The following ZNF276 variants were observed in gnomAD, a reference collection of about 807,000 sequenced individuals.
ZNF276 encodes the protein zinc finger protein 276.
In ZNF276, 59 loss-of-function variants were observed where a neutral mutation model predicts 63.9. That is an observed-to-expected ratio of 0.92 (90% confidence interval 0.75 to 1.15). ZNF276 has a LOEUF of 1.15. Ranked by LOEUF, ZNF276 falls within the 50% of genes most tolerant of loss-of-function variation. The pLI, the probability that ZNF276 is intolerant of heterozygous loss-of-function variation, is 0.00. For synonymous variants in ZNF276, 496 were observed against 348.4 expected, an observed-to-expected ratio of 1.42 and a Z score of -4.72; for missense variants, 1,084 against 843.8, an observed-to-expected ratio of 1.28 and a Z score of -3.53.
At chr16:89,730,433 C>G (rs2061608146) in intron 6 of ZNF276, among the ~76,000 whole-genome samples, 1 of 152,098 alleles carries the variant, frequency 6.6e-6, no homozygotes, top group African/African-American at 2.4e-5. Context: ...GTGAGGAGGG[C>G]TGGGAGCTGG....
At position 89,740,115 on chromosome 16, in the gene ZNF276, G is replaced by C. The variant is rs766263531; in HGVS notation, c.*1869G>C. Reference sequence around the variant, plus strand: ...CTGTGGTGCTCTGTAAACCGCAGGAGACCAACCCTGAGAATGGCCGACCTG... The same window carrying C: ...CTGTGGTGCTCTGTAAACCGCAGGACACCAACCCTGAGAATGGCCGACCTG... On this transcript the variant is annotated 3_prime_UTR_variant, in exon 11 of 11. Transcript: ENST00000443381. 2 of 1,609,762 alleles carry C rather than the reference G, an allele frequency of 1.2e-6. No individual in the cohort carries two copies. Among genetic ancestry groups the C allele is most frequent in the African/African-American group, 2.7e-5 (2 of 74,782 alleles).
rs771506769 is a variant in ZNF276 at position 89,722,506 on chromosome 16, T to G, written c.206-25T>G. ...CTCAGGAGCCTCCTTTGCCAGCTGC[T>G]AACACTTCCTGCCGCTCTGTGCAGG... is the stretch of plus-strand genomic sequence containing the variant. On this transcript the variant is annotated intron_variant, in intron 1 of 10. Transcript: ENST00000443381. 10 of 1,589,462 alleles carry G rather than the reference T, an allele frequency of 6.3e-6. No individual in the cohort carries two copies. In the Admixed American group the frequency reaches 1.5e-4, roughly 25 times the overall value.
rs759630635 is a variant in ZNF276, at chr16:89,738,857, C to T, written c.*611C>T. 3.3e-5 allele frequency: 53 copies of T among 1,614,226 alleles called. No homozygotes were observed. Among genetic ancestry groups the T allele is most frequent in the Non-Finnish European group, 4.3e-5 (51 of 1,180,044 alleles). ...GTCAATTCTCATGTCCCCCACATGGCCCAAGGTGGGCATCTTGACGTTACC... is the reference window on the plus strand; with the variant it reads ...GTCAATTCTCATGTCCCCCACATGGTCCAAGGTGGGCATCTTGACGTTACC... On this transcript the variant is annotated 3_prime_UTR_variant, in exon 11 of 11. Coordinates refer to ENST00000443381, the MANE Select transcript of ZNF276 (RefSeq NM_001113525.2).
intron 6 of ZNF276, 152 bp from the exon 7 acceptor site, chr16:89,733,150 C>T: frequency 1.4e-6 from 1 of 727,990 alleles, no homozygotes; most frequent in South Asian, 1.8e-5. Context: ...GTTGCTCTGG[C>T]TTTGGTGGCT....
chr16:89,727,316 G>A lies in ZNF276; in HGVS notation c.1044G>A (p.Ser348=), dbSNP rs1347675024. The A allele has an allele frequency of 6.2e-7, 1 of 1,614,102 alleles. No homozygotes were observed. The highest frequency in any genetic ancestry group is 8.5e-7 in the Non-Finnish European group (1 of 1,180,038). The change falls in exon 5 of 11, where the codon TCG becomes TCA. Residue 348 remains serine (S), a synonymous_variant. Coordinates refer to ENST00000443381, the MANE Select transcript of ZNF276 (RefSeq NM_001113525.2). ...AGAAGCAGCTTCCATCTTCAACCTCGGATGATCGGGTAAAAGACGAGTTCA... is the reference window on the plus strand; with the variant it reads ...AGAAGCAGCTTCCATCTTCAACCTCAGATGATCGGGTAAAAGACGAGTTCA... The part of the protein sequence containing the change: ...LGEKQLPSST[S]DDRVKDEFSD...
At chr16:89,728,822 C>A (rs1004099801) in intron 5 of ZNF276, among the ~76,000 whole-genome samples, 9 of 152,364 alleles carry the variant, frequency 5.9e-5, no homozygotes, top group Admixed American at 5.9e-4. Context: ...CAGGAGTTAG[C>A]CTCTGCACCC....
Position 89,727,313 on chromosome 16 carries a change from C to T in ZNF276, c.1041C>T (p.Thr347=). 1 of 1,614,120 alleles carries T rather than the reference C, an allele frequency of 6.2e-7. No homozygotes were observed. Among genetic ancestry groups the T allele is most frequent in the Non-Finnish European group, 8.5e-7 (1 of 1,180,032 alleles). ...QLGEKQLPSS[T]SDDRVKDEFS... ...GTGAGAAGCAGCTTCCATCTTCAAC[C>T]TCGGATGATCGGGTAAAAGACGAGT... The change falls in exon 5 of 11, where the codon ACC becomes ACT. Residue 347 remains threonine, a synonymous_variant. Coordinates refer to ENST00000443381, the MANE Select transcript of ZNF276 (RefSeq NM_001113525.2).
At chr16:89,733,047 G>GCGCCCT (rs896878122) in intron 6 of ZNF276, 2 of 482,266 alleles carry the variant, frequency 4.1e-6, no homozygotes, top group Admixed American at 3.4e-5. Flanking sequence ...GCTGTACCCT[G>GCGCCCT]CGCCCTCGCC....
At chr16:89,733,163 A>C in intron 6 of ZNF276, 139 bp from the exon 7 acceptor site, 2 of 790,716 alleles carry the variant, frequency 2.5e-6, no homozygotes, top group South Asian at 3.5e-5. Context: ...TGGTGGCTTC[A>C]GGTAGATTCT....
chr16:89,722,925 G>A, intron 2 of ZNF276, 91 bp downstream of exon 2: 4 of 1,556,992 alleles, frequency 2.6e-6, no homozygotes, highest in Non-Finnish European at 3.5e-6. Flanking sequence ...CTCCGCGGGA[G>A]CCTCTGGGTG....
At chr16:89,721,882 C>T (rs2061292995) in intron 1 of ZNF276, 37 bp downstream of exon 1, 2 of 1,183,582 alleles carry the variant, frequency 1.7e-6, no homozygotes, top group Middle Eastern at 3.3e-4. Context: ...GTTGGGGTCG[C>T]GGCAGGGGTT....
chr16:89,734,022 G>T lies in ZNF276; in HGVS notation c.1458G>T (p.Val486=). The T allele has an allele frequency of 1.9e-6, 3 of 1,614,034 alleles. No homozygotes were observed. The highest frequency in any genetic ancestry group is 2.5e-6 in the Non-Finnish European group (3 of 1,180,018). ...FMIDRYLQRH[V]KLIHTEVRNY... ...TCGACCGCTACCTGCAGCGCCACGT[G>T]AAGCTCATCCACACAGGTACGCCTA... The change falls in exon 9 of 11, where the codon GTG becomes GTT. Residue 486 remains valine (V), a synonymous_variant. Transcript: ENST00000443381.
chr16:89,720,529 C>T (rs767315432), upstream of ZNF276: 68 of 1,160,276 alleles, frequency 5.9e-5, no homozygotes, highest in Non-Finnish European at 7.1e-5. Flanking sequence ...TGTGATGCAC[C>T]GGCTCAGCGA....
intron 9 of ZNF276, 32 bp from the exon 10 acceptor site, chr16:89,737,774 G>T (rs915046341): frequency 6.2e-7 from 1 of 1,612,724 alleles, no homozygotes; most frequent in Non-Finnish European, 8.5e-7. Flanking sequence ...GGAGCATCAG[G>T]GGCCTGGACT....
chr16:89,728,484 A>G (rs2061539190), intron 5 of ZNF276, among the ~76,000 whole-genome samples: 2 of 152,138 alleles, frequency 1.3e-5, no homozygotes, highest in Admixed American at 1.3e-4. Context: ...GCTCACTGCA[A>G]GCTCTGCCTC....
chr16:89,723,838 C>T, intron 4 of ZNF276, 129 bp downstream of exon 4: 1 of 1,036,326 alleles, frequency 9.6e-7, no homozygotes, highest in African/African-American at 1.6e-5. Flanking sequence ...AGGAGCAGAG[C>T]TTGGGGCTTC....
intron 9 of ZNF276, among the ~76,000 whole-genome samples, chr16:89,734,606 C>G (rs3764258): frequency 0.06 from 9,140 of 152,032 alleles, 431 homozygotes; most frequent in East Asian, 0.22. Flanking sequence ...GGTGTGAGCA[C>G]TGCACCTGGC....
At chr16:89,735,556 T>C (rs911441515) in intron 9 of ZNF276, among the ~76,000 whole-genome samples, 3 of 152,106 alleles carry the variant, frequency 2.0e-5, no homozygotes, top group Admixed American at 2.0e-4. Context: ...TCACTGATGG[T>C]CACAACCAGC....
Position 89,729,428 on chromosome 16 carries a change from G to C in ZNF276, c.1169+110G>C, listed in dbSNP as rs539507241. On this transcript the variant is annotated intron_variant, in intron 6 of 10. Transcript: ENST00000443381. ...CCACTCAGTTCACTCTCTCGTGTGC[G>C]GATCTCCCGAGCCCAGTGAAACGTG... is the stretch of plus-strand genomic sequence containing the variant. The C allele has an allele frequency of 1.3e-5, 13 of 980,768 alleles. No homozygotes were observed. In the African/African-American group the frequency reaches 2.1e-4, roughly 16 times the overall value. 60.8% of individuals were successfully genotyped at this position (980,768 alleles called of 1,614,324 possible). A position where few individuals can be genotyped will look rare whatever the true frequency, so the allele number is the denominator to read the frequency against.
Sources: allele counts gnomAD v4.1 joint callset (sites outside exome capture counted in the v4.1 genomes callset), GRCh38; gene constraint gnomAD v4.1.1; transcripts MANE v1.5; gene names NCBI Gene and HGNC (gene_info 2026-07-23, HGNC 2026-07-21).